SDCCAG8: variants seen among roughly 807,000 people sequenced by gnomAD.
SDCCAG8 encodes the protein serologically defined colon cancer antigen 8.
Under a neutral mutation model 101.8 loss-of-function variants are expected in SDCCAG8, and 74 were observed. The ratio of observed to expected loss-of-function variants is 0.73; its 90% CI spans 0.60 to 0.88. The LOEUF (loss-of-function observed/expected upper bound fraction) is 0.88, where lower values mean the gene tolerates loss of function less well. Among genes scored for constraint, SDCCAG8 ranks in the 40% least tolerant of loss-of-function variants. The pLI is 0.00. For missense variants in SDCCAG8, 787 were observed against 822.6 expected (o/e 0.96, Z 0.53); for synonymous variants, 281 against 292.9 (o/e 0.96, Z 0.41).
chr1:243,266,424 C>A (rs1467856170), intron 1 of SDCCAG8, among the ~76,000 whole-genome samples: 2 of 151,750 alleles, frequency 1.3e-5, no homozygotes, highest in Non-Finnish European at 2.9e-5. Context: ...TCAAGCAACT[C>A]TGTTGCCTCA....
chr1:243,341,255 A>G (rs1332812622), intron 11 of SDCCAG8, 82 bp downstream of exon 11: 3 of 1,503,200 alleles, frequency 2.0e-6, no homozygotes, highest in Non-Finnish European at 2.7e-6. Flanking sequence ...CAAAACTCTT[A>G]CTGTTATCAG....
chr1:243,452,371 C>A (rs1264822387), intron 16 of SDCCAG8, among the ~76,000 whole-genome samples: 2 of 148,620 alleles, frequency 1.3e-5, no homozygotes, highest in African/African-American at 5.0e-5. Flanking sequence ...CTTTCTCTGT[C>A]ATACCTTTTT....
Position 243,499,896 on chromosome 1 carries a change from C to A in SDCCAG8, c.*111C>A. 1 of 1,035,730 alleles carries A rather than the reference C, an allele frequency of 9.7e-7. No individual in the cohort carries two copies. The highest frequency in any genetic ancestry group is 2.5e-5 in the East Asian group (1 of 39,766). 64.2% of individuals were successfully genotyped at this position (1,035,730 alleles called of 1,614,324 possible). A position where few individuals can be genotyped will look rare whatever the true frequency, so the allele number is the denominator to read the frequency against. On this transcript the variant is annotated 3_prime_UTR_variant, in exon 18 of 18. Transcript: ENST00000366541. The stretch of plus-strand genomic sequence containing the variant: ...CGACCTTCCCAGGGTGACACCGCCT[C>A]AGCCTGCAGTGGGGCTGGTCCTCAT...
At chr1:243,280,159 T>C (rs2068906691) in intron 4 of SDCCAG8, among the ~76,000 whole-genome samples, 1 of 152,178 alleles carries the variant, frequency 6.6e-6, no homozygotes, top group South Asian at 2.1e-4. Flanking sequence ...TTGGTGCATT[T>C]CATCTAGGTG....
Position 243,428,052 on chromosome 1 carries a change from C to T in SDCCAG8, c.1985+1494C>T, listed in dbSNP as rs142304850. 4.3e-3 allele frequency among the ~76,000 whole-genome samples: 655 copies of T among 152,308 alleles called. 7 individuals carry two copies. The highest frequency in any genetic ancestry group is 0.015 in the African/African-American group (628 of 41,576). On this transcript the variant is annotated intron_variant, in intron 16 of 17. Transcript: ENST00000366541. ...TTTGGCCATTGGGCCAGCCTTTGCC[C>T]CAGTCCTGTGCACCTGGGGCATCTT...
chr1:243,265,536 G>T (rs1320538577), intron 1 of SDCCAG8, among the ~76,000 whole-genome samples: 1 of 152,238 alleles, frequency 6.6e-6, no homozygotes, highest in Non-Finnish European at 1.5e-5. Flanking sequence ...CCCTAGGCCG[G>T]GCATGGTGGC....
At chr1:243,379,694 C>T (rs988560048) in intron 13 of SDCCAG8, among the ~76,000 whole-genome samples, 1 of 152,150 alleles carries the variant, frequency 6.6e-6, no homozygotes, top group Non-Finnish European at 1.5e-5. Context: ...TTTGGGGTTG[C>T]TCAGTTCTTA....
chr1:243,441,182 A>G (rs2082512454), intron 16 of SDCCAG8, among the ~76,000 whole-genome samples: 1 of 152,184 alleles, frequency 6.6e-6, no homozygotes, highest in African/African-American at 2.4e-5. Context: ...TAATATTTAT[A>G]TGTTAGGCAA....
At chr1:243,398,909 A>C (rs2079193026) in intron 13 of SDCCAG8, among the ~76,000 whole-genome samples, 1 of 152,250 alleles carries the variant, frequency 6.6e-6, no homozygotes, top group African/African-American at 2.4e-5. Flanking sequence ...GCTGCTAAGC[A>C]GGTATTCAGT....
chr1:243,450,145 T>C (rs1010160718), intron 16 of SDCCAG8, among the ~76,000 whole-genome samples: 1 of 152,206 alleles, frequency 6.6e-6, no homozygotes, highest in Non-Finnish European at 1.5e-5. Flanking sequence ...TTCGATGTCC[T>C]TCTCTCCTCA....
At chr1:243,351,476 A>G (rs1361073374) in intron 12 of SDCCAG8, among the ~76,000 whole-genome samples, 3 of 152,218 alleles carry the variant, frequency 2.0e-5, no homozygotes, top group Non-Finnish European at 4.4e-5. Flanking sequence ...GTGCAAATTA[A>G]TGTAGTGTGA....
chr1:243,278,950 T>TTTA (rs374604812), intron 4 of SDCCAG8, among the ~76,000 whole-genome samples: 96 of 151,774 alleles, frequency 6.3e-4, no homozygotes, highest in Middle Eastern at 3.4e-3. Context: ...GCTTGGCTAT[T>TTTA]TTATTATTAT....
At chr1:243,259,606 C>G (rs1330955778) in intron 1 of SDCCAG8, among the ~76,000 whole-genome samples, 8 of 151,862 alleles carry the variant, frequency 5.3e-5, no homozygotes, top group African/African-American at 1.9e-4. Flanking sequence ...GATCACCTGA[C>G]GTCTGGAGTT....
intron 4 of SDCCAG8, among the ~76,000 whole-genome samples, chr1:243,283,527 A>G (rs2069274087): frequency 6.6e-6 from 1 of 150,398 alleles, no homozygotes; most frequent in South Asian, 2.1e-4. Flanking sequence ...GGAAATTCTT[A>G]TTGACAATTC....
At chr1:243,443,542 G>T (rs1165988880) in intron 16 of SDCCAG8, among the ~76,000 whole-genome samples, 1 of 152,188 alleles carries the variant, frequency 6.6e-6, no homozygotes, top group Non-Finnish European at 1.5e-5. Context: ...AGGTAACCTC[G>T]CAAGGCAGCT....
intron 12 of SDCCAG8, among the ~76,000 whole-genome samples, chr1:243,360,934 T>G (rs1447333240): frequency 6.6e-6 from 1 of 152,132 alleles, no homozygotes; most frequent in Non-Finnish European, 1.5e-5. Context: ...AAAGGCAAAG[T>G]CAAACAGTGA....
intron 12 of SDCCAG8, among the ~76,000 whole-genome samples, chr1:243,372,070 T>C (rs1408831274): frequency 2.0e-5 from 3 of 152,120 alleles, no homozygotes; most frequent in African/African-American, 7.2e-5. Context: ...AGTTCATATT[T>C]TACACACACC....
intron 12 of SDCCAG8, among the ~76,000 whole-genome samples, chr1:243,345,436 C>A (rs1196307507): frequency 6.6e-6 from 1 of 152,046 alleles, no homozygotes; most frequent in Non-Finnish European, 1.5e-5. Context: ...TTAACATGTA[C>A]AAATAATGAA....
chr1:243,409,673 T>G (rs753535898), intron 13 of SDCCAG8, among the ~76,000 whole-genome samples: 1 of 152,156 alleles, frequency 6.6e-6, no homozygotes, highest in Non-Finnish European at 1.5e-5. Context: ...GGAACCACCT[T>G]GAAAGGGTTC....
Sources: allele counts gnomAD v4.1 joint callset (sites outside exome capture counted in the v4.1 genomes callset), GRCh38; gene constraint gnomAD v4.1.1; transcripts MANE v1.5; gene names NCBI Gene and HGNC (gene_info 2026-07-23, HGNC 2026-07-21).